COX10: variants seen among roughly 807,000 people sequenced by gnomAD.
The protein encoded by COX10 is protoheme IX farnesyltransferase, mitochondrial.
A neutral mutation model predicts 37.3 loss-of-function variants in COX10; 27 were observed. That is an observed-to-expected ratio of 0.72 (90% CI 0.53 to 1.00). COX10 has a LOEUF of 1.00. Ranked by LOEUF, COX10 falls within the 50% of genes least tolerant of loss-of-function variation. COX10 has a pLI of 0.00. For synonymous variants in COX10, 222 were observed against 229.1 expected (o/e 0.97, Z 0.28); for missense variants, 475 against 563.2 (o/e 0.84, Z 1.59).
At chr17:14,162,576 CAT>C (rs1567605123) in intron 5 of COX10, among the ~76,000 whole-genome samples, 2 of 151,286 alleles carry the variant, frequency 1.3e-5, no homozygotes, top group Non-Finnish European at 2.9e-5. Flanking sequence ...AAAATCAGCA[CAT>C]GTTTTACGTT....
intron 4 of COX10, among the ~76,000 whole-genome samples, chr17:14,158,514 A>G (rs1216837554): frequency 6.6e-6 from 1 of 151,912 alleles, no homozygotes; most frequent in African/African-American, 2.4e-5. Context: ...TAATATTTAT[A>G]GAACACATAT....
intron 6 of COX10, among the ~76,000 whole-genome samples, chr17:14,192,697 C>T (rs1906243433): frequency 6.6e-6 from 1 of 152,068 alleles, no homozygotes; most frequent in African/African-American, 2.4e-5. Context: ...ATATGATTTG[C>T]TTAAATCGTT....
At chr17:14,194,759 C>G (rs1167198795) in intron 6 of COX10, among the ~76,000 whole-genome samples, 1 of 152,132 alleles carries the variant, frequency 6.6e-6, no homozygotes, top group Non-Finnish European at 1.5e-5. Flanking sequence ...TATAGTCTTT[C>G]TATAATACAG....
chr17:14,151,526 AACACAC>A (rs58412592), intron 4 of COX10, among the ~76,000 whole-genome samples: 18,435 of 144,398 alleles, frequency 0.13, 1,289 homozygotes, highest in South Asian at 0.15. Flanking sequence ...TTCCTGAACT[AACACAC>A]ACACACACAC....
chr17:14,076,147 A>G (rs1597490857), intron 2 of COX10, among the ~76,000 whole-genome samples: 1 of 111,738 alleles, frequency 8.9e-6, no homozygotes, highest in Non-Finnish European at 1.6e-5. Flanking sequence ...ACAGGGTCTC[A>G]CTGTGTCGTT....
intron 3 of COX10, among the ~76,000 whole-genome samples, chr17:14,098,539 C>T (rs938800283): frequency 6.6e-5 from 10 of 152,032 alleles, no homozygotes; most frequent in Admixed American, 3.3e-4. Flanking sequence ...CTACAAAGAA[C>T]GAAAAAGCTT....
At chr17:14,129,256 A>G (rs1187302931) in intron 4 of COX10, among the ~76,000 whole-genome samples, 2 of 151,894 alleles carry the variant, frequency 1.3e-5, no homozygotes, top group Admixed American at 1.3e-4. Context: ...GTTCACAGAA[A>G]TGAAATTTAT....
At chr17:14,193,681 A>G (rs975429715) in intron 6 of COX10, among the ~76,000 whole-genome samples, 1 of 146,712 alleles carries the variant, frequency 6.8e-6, no homozygotes, top group Non-Finnish European at 1.5e-5. Flanking sequence ...CCTGGTTTAT[A>G]GTTGACCTTC....
chr17:14,093,762 TAC>T (rs1915580751), intron 3 of COX10, among the ~76,000 whole-genome samples: 1 of 152,236 alleles, frequency 6.6e-6, no homozygotes, highest in African/African-American at 2.4e-5. Context: ...ATGCCAGAGA[TAC>T]AGTGTTAAAG....
chr17:14,094,807 A>G (rs1420636630), intron 3 of COX10, among the ~76,000 whole-genome samples: 1 of 152,244 alleles, frequency 6.6e-6, no homozygotes, highest in Non-Finnish European at 1.5e-5. Flanking sequence ...AGCACTGCTT[A>G]TTAAGCCCTT....
chr17:14,146,337 A>G (rs1012644106), intron 4 of COX10, among the ~76,000 whole-genome samples: 4 of 152,178 alleles, frequency 2.6e-5, no homozygotes, highest in Non-Finnish European at 4.4e-5. Context: ...CCCAGAAACA[A>G]ACTCACACAC....
intron 4 of COX10, among the ~76,000 whole-genome samples, chr17:14,150,692 T>C (rs2142232828): frequency 6.6e-6 from 1 of 152,292 alleles, no homozygotes; most frequent in Admixed American, 6.5e-5. Context: ...CCAGTTTGAA[T>C]CAGATAACAC....
intron 4 of COX10, among the ~76,000 whole-genome samples, chr17:14,113,176 G>A (rs963616696): frequency 5.1e-4 from 77 of 152,250 alleles, no homozygotes; most frequent in African/African-American, 1.8e-3. Context: ...AGACATTTCA[G>A]TTGACCTAGT....
intron 2 of COX10, 23 bp downstream of exon 2, chr17:14,074,479 ACT>A (rs770147932): frequency 6.6e-7 from 1 of 1,519,428 alleles, no homozygotes; most frequent in South Asian, 1.1e-5. Context: ...GACCATTCTT[ACT>A]CTGTTACTTT....
At chr17:14,138,603 A>G (rs1904448610) in intron 4 of COX10, among the ~76,000 whole-genome samples, 1 of 152,294 alleles carries the variant, frequency 6.6e-6, no homozygotes, top group Admixed American at 6.5e-5. Context: ...AAAAGTGCTC[A>G]GGTGTCCTGT....
chr17:14,133,931 T>A (rs1916520967), intron 4 of COX10, among the ~76,000 whole-genome samples: 1 of 151,680 alleles, frequency 6.6e-6, no homozygotes, highest in Non-Finnish European at 1.5e-5. Flanking sequence ...TTTCTTTTTT[T>A]AAAATTTGTT....
chr17:14,170,664 T>A (rs2142247612), intron 5 of COX10, among the ~76,000 whole-genome samples: 1 of 152,176 alleles, frequency 6.6e-6, no homozygotes, highest in Admixed American at 6.5e-5. Context: ...AAAAAAATTT[T>A]AAAATTAGCC....
chr17:14,072,239 A>C (rs1915041850), intron 1 of COX10, among the ~76,000 whole-genome samples: 1 of 151,934 alleles, frequency 6.6e-6, no homozygotes, highest in Non-Finnish European at 1.5e-5. Context: ...GTTGTTGTTG[A>C]GATGGAGTTT....
chr17:14,082,125 C>T (rs970378385), intron 3 of COX10, among the ~76,000 whole-genome samples: 1 of 152,172 alleles, frequency 6.6e-6, no homozygotes, highest in South Asian at 2.1e-4. Context: ...TCAGTGTGTA[C>T]AGTGACCATG....
Sources: gnomAD v4.1 joint callset for allele counts (sites outside exome capture counted in the v4.1 genomes callset) on GRCh38, gnomAD v4.1.1 for gene constraint, MANE v1.5 for transcripts, NCBI Gene and HGNC (gene_info 2026-07-23, HGNC 2026-07-21) for gene names.